Variants in DNAJA4 observed in about 807,000 individuals in gnomAD.
The protein encoded by DNAJA4 is dnaJ homolog subfamily A member 4.
Under a neutral mutation model 39.7 loss-of-function variants are expected in DNAJA4, and 32 were observed. The observed-to-expected ratio is 0.81, with a 90% CI of 0.61 to 1.08. The LOEUF is 1.08. Among genes scored for constraint, DNAJA4 ranks in the 50% least tolerant of loss-of-function variants. DNAJA4 has a pLI of 0.00. For missense variants in DNAJA4, 439 were observed against 505.1 expected, an observed-to-expected ratio of 0.87 and a Z score of 1.25; for synonymous variants, 184 against 182.4, an observed-to-expected ratio of 1.01 and a Z score of -0.07.
intron 5 of DNAJA4, among the ~76,000 whole-genome samples, chr15:78,276,589 T>C (rs2049465851): frequency 6.6e-6 from 1 of 152,202 alleles, no homozygotes; most frequent in Admixed American, 6.5e-5. Flanking sequence ...AGCACTAAGG[T>C]CAGCTGTGCA....
chr15:78,270,719 C>A, intron 2 of DNAJA4, 42 bp downstream of exon 2: 1 of 1,586,506 alleles, frequency 6.3e-7, no homozygotes, highest in Non-Finnish European at 8.6e-7. Flanking sequence ...GTATGGTTTC[C>A]ACAATTATAC....
At position 78,264,625 on chromosome 15, in the gene DNAJA4, A is replaced by AGCGGCG. The variant is rs536756767; in HGVS notation, c.-126_-121dup. 306 of 991,592 alleles carry AGCGGCG rather than the reference A, an allele frequency of 3.1e-4. No individual in the cohort carries two copies. Among genetic ancestry groups the AGCGGCG allele is most frequent in the Middle Eastern group, 9.7e-4 (2 of 2,060 alleles). 61.4% of individuals were successfully genotyped at this position (991,592 alleles called of 1,614,324 possible). ...GGGCGGGGGGCGGGCGGGAGCTACA[A>AGCGGCG]GCGGCGGCGGCGGCGGCGACCGTGA... is the stretch of plus-strand genomic sequence containing the variant. On this transcript the variant is annotated 5_prime_UTR_variant, in exon 1 of 7. Coordinates refer to ENST00000394852, the MANE Select transcript of DNAJA4 (RefSeq NM_001130182.2).
intron 1 of DNAJA4, chr15:78,265,749 C>A: frequency 1.5e-6 from 1 of 677,466 alleles, no homozygotes; most frequent in Non-Finnish European, 2.7e-6. Flanking sequence ...TCACTTCTTG[C>A]CATTTTCTTA....
In DNAJA4 at chr15:78,270,663, C is replaced by G; in HGVS notation, c.299C>G (p.Ala100Gly). Residue 100 changes from alanine (A) to glycine (G), a missense_variant, in exon 2 of 7, where the codon GCT becomes GGT. Coordinates refer to ENST00000394852, the MANE Select transcript of DNAJA4 (RefSeq NM_001130182.2). ...DMFFGGGGRMARERRGKNVVH... is the reference protein window; with the variant it reads ...DMFFGGGGRMGRERRGKNVVH... ...TTCTTTGGTGGTGGTGGACGGATGG[C>G]TAGAGAGAGAAGAGGTAAATGCTTT... 1 of 1,613,374 alleles carries G rather than the reference C, an allele frequency of 6.2e-7. No homozygotes were observed. The highest frequency in any genetic ancestry group is 8.5e-7 in the Non-Finnish European group (1 of 1,179,790).
At chr15:78,274,462 A>G in intron 4 of DNAJA4, 38 bp downstream of exon 4, 1 of 1,586,990 alleles carries the variant, frequency 6.3e-7, no homozygotes, top group South Asian at 1.1e-5. Flanking sequence ...CACGGGCTGG[A>G]AATGCTGTCT....
At chr15:78,268,941 G>T (rs537864755) in intron 1 of DNAJA4, among the ~76,000 whole-genome samples, 1 of 152,332 alleles carries the variant, frequency 6.6e-6, no homozygotes, top group Admixed American at 6.5e-5. Context: ...CAGTGTTAAA[G>T]CTGGATCACC....
rs936602532 is a variant in DNAJA4, at chr15:78,264,590, G to A, written c.-174G>A. The A allele has an allele frequency of 6.8e-6, 8 of 1,178,818 alleles. No individual in the cohort carries two copies. In the African/African-American group the frequency reaches 1.3e-4, roughly 19 times the overall value. The allele number at this position is 1,178,818 out of a possible 1,614,324, so 73.0% of individuals were successfully genotyped here. On this transcript the variant is annotated 5_prime_UTR_variant, in exon 1 of 7. Coordinates refer to ENST00000394852, the MANE Select transcript of DNAJA4 (RefSeq NM_001130182.2). Reference sequence around the variant, plus strand: ...GCGGTGGAGCCAGGCGTGGAAGTCGGTCCGGCGCGGGGCGGGGGGCGGGCG... The same window carrying A: ...GCGGTGGAGCCAGGCGTGGAAGTCGATCCGGCGCGGGGCGGGGGGCGGGCG...
Position 78,279,648 on chromosome 15 carries a change from T to G in DNAJA4, c.878-397T>G. ...TGGACTCTATTGAGGCTTCTTCCTG[T>G]CTGTGGGGAGCACTCCTGTCCCCCT... On this transcript the variant is annotated intron_variant, in intron 5 of 6. Coordinates refer to ENST00000394852, the MANE Select transcript of DNAJA4 (RefSeq NM_001130182.2). This position sits in a 1 kb window ranked among gnomAD's most constrained non-coding sequence, Gnocchi z 4.5. 1 of 203,688 alleles carries G rather than the reference T, an allele frequency of 4.9e-6. No individual in the cohort carries two copies. 12.6% of individuals were successfully genotyped at this position (203,688 alleles called of 1,614,324 possible).
chr15:78,280,312 C>T lies in DNAJA4; in HGVS notation c.1046C>T (p.Pro349Leu), dbSNP rs1453119808. 1 of 1,614,250 alleles carries T rather than the reference C, an allele frequency of 6.2e-7. No individual in the cohort carries two copies. The highest frequency in any genetic ancestry group is 8.5e-7 in the Non-Finnish European group (1 of 1,180,054). The change falls in exon 7 of 7, where the codon CCT (proline) becomes CTT (leucine). Residue 349 changes from proline to leucine, a missense_variant. Transcript: ENST00000394852. Reference sequence around the variant, plus strand: ...CCTCAGCTGGAAGCTTTACTCCCTCCTCGACAGAAAGTGAGGATTACAGAT... The same window carrying T: ...CCTCAGCTGGAAGCTTTACTCCCTCTTCGACAGAAAGTGAGGATTACAGAT... ...KLPQLEALLP[P>L]RQKVRITDDM... is the part of the protein sequence containing the mutation.
chr15:78,278,402 C>T (rs1194519402), intron 5 of DNAJA4: 3 of 422,176 alleles, frequency 7.1e-6, no homozygotes, highest in African/African-American at 2.0e-5. Context: ...GTGGTGTGAA[C>T]ACCATAGAAT....
chr15:78,265,806 T>C, intron 1 of DNAJA4: 1 of 625,066 alleles, frequency 1.6e-6, no homozygotes, highest in Admixed American at 2.6e-5. Flanking sequence ...GGGGCCGTTA[T>C]AGTAGCTGAT....
chr15:78,277,651 G>C (rs1185692050), intron 5 of DNAJA4, among the ~76,000 whole-genome samples: 1 of 152,170 alleles, frequency 6.6e-6, no homozygotes, highest in Non-Finnish European at 1.5e-5. Context: ...GGAAGCATCT[G>C]TGTGTAACTT....
intron 1 of DNAJA4, among the ~76,000 whole-genome samples, chr15:78,268,067 C>T (rs3813576): frequency 0.36 from 55,372 of 152,002 alleles, 10,452 homozygotes; most frequent in Middle Eastern, 0.43. Flanking sequence ...GAGATCTGGC[C>T]TCTGACTGAA....
intron 1 of DNAJA4, chr15:78,265,653 C>G (rs1192760041): frequency 5.7e-6 from 4 of 702,254 alleles, no homozygotes; most frequent in Non-Finnish European, 1.0e-5. Context: ...CTTTTTATCT[C>G]TAAAGAGGCT....
Position 78,280,486 on chromosome 15 carries a change from C to G in DNAJA4, c.*26C>G, listed in dbSNP as rs1204727723. ...CGTGGTGCGGGGCAGCGTGGCCCCACCGGACTAGCACATGATGAATGTAAA... is the reference window on the plus strand; with the variant it reads ...CGTGGTGCGGGGCAGCGTGGCCCCAGCGGACTAGCACATGATGAATGTAAA... On this transcript the variant is annotated 3_prime_UTR_variant, in exon 7 of 7. Transcript: ENST00000394852. The G allele has an allele frequency of 1.3e-6, 2 of 1,569,462 alleles. No homozygotes were observed. The highest frequency in any genetic ancestry group is 1.7e-6 in the Non-Finnish European group (2 of 1,151,550).
intron 1 of DNAJA4, among the ~76,000 whole-genome samples, chr15:78,267,165 AGTGT>A (rs1313123532): frequency 9.2e-6 from 1 of 108,672 alleles, no homozygotes. Flanking sequence ...TGTGTATGTG[AGTGT>A]GTGAGTGTGT....
chr15:78,264,208 A>C, upstream of DNAJA4: 1 of 794,246 alleles, frequency 1.3e-6, no homozygotes, highest in Non-Finnish European at 1.8e-6. Context: ...CTCTCCAGCC[A>C]GCCGGCTCCA....
intron 5 of DNAJA4, among the ~76,000 whole-genome samples, chr15:78,276,630 C>G (rs978699692): frequency 1.1e-4 from 17 of 152,262 alleles, no homozygotes; most frequent in Non-Finnish European, 4.4e-5. Context: ...GGTGTGGTGG[C>G]GGCTACGCCA....
At chr15:78,269,498 TATCTA>T (rs1450729437) in intron 1 of DNAJA4, among the ~76,000 whole-genome samples, 1 of 123,248 alleles carries the variant, frequency 8.1e-6, no homozygotes, top group Non-Finnish European at 1.8e-5. Flanking sequence ...ACATTTGTTT[TATCTA>T]TTATTATTAT....
Sources: gnomAD v4.1 joint callset for allele counts (sites outside exome capture counted in the v4.1 genomes callset) on GRCh38, gnomAD v4.1.1 for gene constraint, Gnocchi (gnomAD v3.1) non-coding constraint, MANE v1.5 for transcripts, NCBI Gene and HGNC (gene_info 2026-07-23, HGNC 2026-07-21) for gene names.